Variants in RBFOX1 observed in about 807,000 individuals in gnomAD.
RBFOX1 encodes RNA binding fox-1 homolog 1.
A neutral mutation model predicts 57.7 loss-of-function variants in RBFOX1; 8 were observed. The ratio of observed to expected loss-of-function variants is 0.14; its 90% CI spans 0.08 to 0.25. The LOEUF is 0.25. RBFOX1 is among the 10% of genes least tolerant of loss of function. The pLI, the probability that RBFOX1 is intolerant of heterozygous loss-of-function variation, is 1.00. For synonymous variants in RBFOX1, 326 were observed against 222.4 expected (o/e 1.47, Z -4.15); for missense variants, 611 against 548.5 (o/e 1.11, Z -1.14).
intron 5 of RBFOX1, among the ~76,000 whole-genome samples, chr16:7,520,271 C>T (rs2077251446): frequency 6.6e-6 from 1 of 152,160 alleles, no homozygotes; most frequent in Non-Finnish European, 1.5e-5. Flanking sequence ...TGGTAAAATA[C>T]ATATAACATA....
At chr16:6,806,741 T>A (rs1567330330) in intron 3 of RBFOX1, among the ~76,000 whole-genome samples, 1 of 147,428 alleles carries the variant, frequency 6.8e-6, no homozygotes, top group Non-Finnish European at 1.5e-5. Context: ...TTCTGTTTTT[T>A]CTCCCTTTCT....
chr16:7,300,273 G>C (rs1216868028), intron 4 of RBFOX1, among the ~76,000 whole-genome samples: 1 of 151,360 alleles, frequency 6.6e-6, no homozygotes, highest in South Asian at 2.1e-4. Flanking sequence ...TTGTTTGTCC[G>C]GCCCCACTGA....
chr16:6,850,191 C>T (rs1432159880), intron 3 of RBFOX1, among the ~76,000 whole-genome samples: 2 of 152,150 alleles, frequency 1.3e-5, no homozygotes, highest in African/African-American at 4.8e-5. Context: ...TCAGTGAATT[C>T]AGTTGTTCCT....
At chr16:6,040,839 G>T (rs923207567) in intron 1 of RBFOX1, among the ~76,000 whole-genome samples, 1 of 151,974 alleles carries the variant, frequency 6.6e-6, no homozygotes, top group Non-Finnish European at 1.5e-5. Context: ...ATTGATCTGC[G>T]TGCCTTGGCC....
At chr16:6,543,140 G>A (rs2096847142) in intron 2 of RBFOX1, among the ~76,000 whole-genome samples, 1 of 152,152 alleles carries the variant, frequency 6.6e-6, no homozygotes, top group Non-Finnish European at 1.5e-5. Flanking sequence ...CACTCAAAAT[G>A]TGGCACATTT....
chr16:5,820,100 T>A (rs1029543482), intron 3 of RBFOX1, among the ~76,000 whole-genome samples: 3 of 152,208 alleles, frequency 2.0e-5, no homozygotes, highest in African/African-American at 7.2e-5. Context: ...AAATGCACTT[T>A]TGCATTAAAT....
chr16:6,559,476 C>G (rs917305477), intron 2 of RBFOX1, among the ~76,000 whole-genome samples: 26 of 151,958 alleles, frequency 1.7e-4, no homozygotes, highest in Admixed American at 1.0e-3. Flanking sequence ...AGAGTTTATC[C>G]TGAACTATGC....
At chr16:7,229,686 CGAAG>C (rs1395293073) in intron 4 of RBFOX1, among the ~76,000 whole-genome samples, 2 of 37,868 alleles carry the variant, frequency 5.3e-5, no homozygotes, top group East Asian at 7.9e-4. Context: ...GGGAGAGAGA[CGAAG>C]GAAGAGGGGA....
At chr16:5,983,188 T>G (rs2060208883) in intron 4 of RBFOX1, among the ~76,000 whole-genome samples, 1 of 152,202 alleles carries the variant, frequency 6.6e-6, no homozygotes, top group Admixed American at 6.5e-5. Flanking sequence ...CTGTCAGAGC[T>G]GAGAGGCCAC....
chr16:6,591,294 A>T (rs2097707078), intron 2 of RBFOX1, among the ~76,000 whole-genome samples: 3 of 152,022 alleles, frequency 2.0e-5, no homozygotes, highest in African/African-American at 7.2e-5. Flanking sequence ...AAAAATATAT[A>T]TTTTTTAAGT....
intron 2 of RBFOX1, among the ~76,000 whole-genome samples, chr16:5,535,497 A>G (rs1330469700): frequency 6.6e-6 from 1 of 152,190 alleles, no homozygotes; most frequent in East Asian, 1.9e-4. Flanking sequence ...CCCAGTCCCA[A>G]GGAGTTTACA....
rs1018955823 is a variant in RBFOX1 at position 7,414,718 on chromosome 16, A to T, written c.28-103429A>T. Among the ~76,000 whole-genome samples, 4 of 152,210 alleles carry T rather than the reference A, an allele frequency of 2.6e-5. No individual in the cohort carries two copies. In the East Asian group the frequency reaches 7.7e-4, roughly 29 times the overall value. On this transcript the variant is annotated intron_variant, in intron 4 of 15. Transcript: ENST00000550418. ...CTGCAACCTCCGCCTCCCGGGTTCA[A>T]GCGATTCTTGTGCCTCAGCCTCCAG... is the stretch of plus-strand genomic sequence containing the variant.
At chr16:5,913,239 A>T (rs1007413130) in intron 4 of RBFOX1, among the ~76,000 whole-genome samples, 1 of 152,198 alleles carries the variant, frequency 6.6e-6, no homozygotes, top group Non-Finnish European at 1.5e-5. Flanking sequence ...ACGGTTATTT[A>T]TTGGGACTTA....
chr16:5,463,529 G>A (rs1298614940), intron 1 of RBFOX1, among the ~76,000 whole-genome samples: 1 of 152,192 alleles, frequency 6.6e-6, no homozygotes, highest in Admixed American at 6.5e-5. Context: ...GCCGGGCGTG[G>A]TGGGTCGTGT....
chr16:6,357,796 C>G (rs972966186), intron 2 of RBFOX1, among the ~76,000 whole-genome samples: 2 of 151,662 alleles, frequency 1.3e-5, no homozygotes, highest in African/African-American at 4.8e-5. Context: ...ACTAAAATTA[C>G]AAAAATTAGC....
intron 3 of RBFOX1, among the ~76,000 whole-genome samples, chr16:5,667,953 G>A (rs2049898903): frequency 6.6e-6 from 1 of 152,134 alleles, no homozygotes; most frequent in African/African-American, 2.4e-5. Flanking sequence ...TGAGGGGATG[G>A]CAGCAGTTGC....
chr16:5,404,140 T>C (rs1375640279), intron 1 of RBFOX1, among the ~76,000 whole-genome samples: 1 of 151,272 alleles, frequency 6.6e-6, no homozygotes, highest in East Asian at 1.9e-4. Context: ...CACTGGAGAC[T>C]TGGAGGGGTG....
intron 3 of RBFOX1, among the ~76,000 whole-genome samples, chr16:6,750,084 G>C (rs974162161): frequency 6.6e-6 from 1 of 152,154 alleles, no homozygotes; most frequent in Non-Finnish European, 1.5e-5. Flanking sequence ...TTCAGTCGAG[G>C]TGTATAGGGT....
At chr16:5,714,834 G>A (rs907405606) in intron 3 of RBFOX1, among the ~76,000 whole-genome samples, 4 of 151,878 alleles carry the variant, frequency 2.6e-5, no homozygotes, top group Admixed American at 6.6e-5. Context: ...ATGTGGGAAC[G>A]GGGACTTAGA....
Sources: allele counts gnomAD v4.1 joint callset (sites outside exome capture counted in the v4.1 genomes callset), GRCh38; gene constraint gnomAD v4.1.1; transcripts MANE v1.5; gene names NCBI Gene and HGNC (gene_info 2026-07-23, HGNC 2026-07-21).